AMPH: variants seen among roughly 807,000 people sequenced by gnomAD.
AMPH encodes amphiphysin.
A neutral mutation model predicts 99.1 loss-of-function variants in AMPH; 49 were observed. The ratio of observed to expected loss-of-function variants is 0.49; its 90% CI spans 0.39 to 0.63. The LOEUF is 0.63. AMPH is among the 20% of genes least tolerant of loss of function. The probability of loss-of-function intolerance (pLI) is 0.00; values close to 1 mark genes in which losing one functional copy is unlikely to be tolerated. For synonymous variants in AMPH, 314 were observed against 317.3 expected (o/e 0.99, Z 0.11); for missense variants, 759 against 863.4 (o/e 0.88, Z 1.52).
At chr7:38,522,368 GATTT>G (rs1246174339) in intron 2 of AMPH, among the ~76,000 whole-genome samples, 2 of 152,124 alleles carry the variant, frequency 1.3e-5, no homozygotes, top group African/African-American at 4.8e-5. Flanking sequence ...TATTGACATT[GATTT>G]ATTTTACAGA....
At chr7:38,549,809 C>T (rs1791117979) in intron 1 of AMPH, among the ~76,000 whole-genome samples, 1 of 152,178 alleles carries the variant, frequency 6.6e-6, no homozygotes, top group Non-Finnish European at 1.5e-5. Flanking sequence ...GGACTGCATT[C>T]TCACAAGATA....
intron 4 of AMPH, among the ~76,000 whole-genome samples, chr7:38,492,864 T>C (rs560242497): frequency 5.9e-5 from 9 of 152,230 alleles, no homozygotes; most frequent in Non-Finnish European, 1.2e-4. Flanking sequence ...TTTTTTGTGA[T>C]GAATTTTTAG....
Position 38,475,324 on chromosome 7 carries a change from T to G in AMPH, c.590+7A>C. The G allele has an allele frequency of 1.2e-6, 2 of 1,600,316 alleles. No individual in the cohort carries two copies. The highest frequency in any genetic ancestry group is 8.6e-7 in the Non-Finnish European group (1 of 1,168,156). On this transcript the variant is annotated splice_region_variant and intron_variant, in intron 7 of 20. Coordinates refer to ENST00000356264, the MANE Select transcript of AMPH (RefSeq NM_001635.4). ...AACATGTGCAACCCATAGAGAAACA[T>G]TTTTACCTTGACCATAATGATGGTA... is the stretch of plus-strand genomic sequence containing the variant.
At chr7:38,602,583 A>G (rs934399933) in intron 1 of AMPH, among the ~76,000 whole-genome samples, 7 of 152,030 alleles carry the variant, frequency 4.6e-5, no homozygotes, top group Admixed American at 3.3e-4. Context: ...TTTTATAGCA[A>G]TCCCTGTGGT....
At chr7:38,540,814 T>C (rs1004341870) in intron 1 of AMPH, among the ~76,000 whole-genome samples, 3 of 149,672 alleles carry the variant, frequency 2.0e-5, no homozygotes, top group Non-Finnish European at 3.0e-5. Flanking sequence ...GGCTTGTTAC[T>C]GAGACAAGAA....
intron 1 of AMPH, among the ~76,000 whole-genome samples, chr7:38,589,092 T>C (rs1792765670): frequency 6.6e-6 from 1 of 152,224 alleles, no homozygotes; most frequent in African/African-American, 2.4e-5. Context: ...ACCATATTCC[T>C]ATTGATCAAA....
chr7:38,434,098 C>T (rs889594827), intron 12 of AMPH, among the ~76,000 whole-genome samples: 1 of 152,114 alleles, frequency 6.6e-6, no homozygotes, highest in African/African-American at 2.4e-5. Context: ...GACTGCAGGA[C>T]AACTATAGTG....
chr7:38,519,966 C>T (rs981729985), intron 2 of AMPH, among the ~76,000 whole-genome samples: 2 of 151,512 alleles, frequency 1.3e-5, no homozygotes, highest in African/African-American at 2.4e-5. Context: ...AAAATTGTGC[C>T]CATGAACCCT....
chr7:38,580,269 T>G (rs1172922869), intron 1 of AMPH, among the ~76,000 whole-genome samples: 1 of 152,174 alleles, frequency 6.6e-6, no homozygotes. Context: ...ATTCCCCCAG[T>G]GAGATGCTAC....
chr7:38,625,848 C>A (rs779803534), intron 1 of AMPH, among the ~76,000 whole-genome samples: 26 of 151,892 alleles, frequency 1.7e-4, no homozygotes, highest in Non-Finnish European at 8.8e-5. Context: ...GGTAGCTATG[C>A]AGATATCCAT....
chr7:38,407,021 C>CCTCTCTCT (rs71558121), intron 17 of AMPH, among the ~76,000 whole-genome samples: 98 of 3,686 alleles, frequency 0.027, 10 homozygotes, highest in African/African-American at 0.036. Context: ...CTAATAGACT[C>CCTCTCTCT]CTCTCTCTCT....
chr7:38,463,303 G>A, intron 9 of AMPH, 190 bp from the exon 10 acceptor site: 1 of 747,518 alleles, frequency 1.3e-6, no homozygotes. Flanking sequence ...TTGCACTACA[G>A]AGACCTCATT....
In AMPH at chr7:38,577,587, T is replaced by C. The variant is rs568987242; in HGVS notation, c.70-42576A>G. Among the ~76,000 whole-genome samples, 201 of 151,872 alleles carry C rather than the reference T, an allele frequency of 1.3e-3. 1 individual carries two copies. Among genetic ancestry groups the C allele is most frequent in the Middle Eastern group, 0.01 (3 of 294 alleles). On this transcript the variant is annotated intron_variant, in intron 1 of 20. Transcript: ENST00000356264. Reference sequence around the variant, plus strand: ...AACCAGCACTTAACATAGTGTCTCATACACCACAGAATGAATGCAGCAAAC... The same window carrying C: ...AACCAGCACTTAACATAGTGTCTCACACACCACAGAATGAATGCAGCAAAC...
At chr7:38,538,824 T>C (rs1345617120) in intron 1 of AMPH, among the ~76,000 whole-genome samples, 5 of 152,178 alleles carry the variant, frequency 3.3e-5, no homozygotes, top group Non-Finnish European at 7.3e-5. Context: ...AGGCATTGAT[T>C]CCTTCAAACA....
chr7:38,497,218 G>C (rs1356767201), intron 3 of AMPH, among the ~76,000 whole-genome samples: 1 of 152,156 alleles, frequency 6.6e-6, no homozygotes, highest in Non-Finnish European at 1.5e-5. Flanking sequence ...GACAGAGTAT[G>C]ATGGGCGAAA....
chr7:38,418,104 T>C (rs749992512), intron 16 of AMPH, 154 bp from the exon 17 acceptor site: 8 of 743,634 alleles, frequency 1.1e-5, no homozygotes, highest in African/African-American at 1.8e-5. Flanking sequence ...TTTGCCATCA[T>C]AGGCTTTTAG....
At chr7:38,407,423 G>T (rs181068359) in intron 17 of AMPH, among the ~76,000 whole-genome samples, 2 of 151,372 alleles carry the variant, frequency 1.3e-5, no homozygotes, top group Admixed American at 1.3e-4. Flanking sequence ...GATACACATT[G>T]ACATAAAGAT....
intron 7 of AMPH, among the ~76,000 whole-genome samples, chr7:38,471,132 T>C (rs1787868331): frequency 6.6e-6 from 1 of 152,184 alleles, no homozygotes; most frequent in Admixed American, 6.5e-5. Context: ...ATCTGATCCC[T>C]ATCTTTCTCC....
At chr7:38,546,423 T>A (rs1357719935) in intron 1 of AMPH, among the ~76,000 whole-genome samples, 1 of 152,118 alleles carries the variant, frequency 6.6e-6, no homozygotes, top group Non-Finnish European at 1.5e-5. Flanking sequence ...AAAAAAAAAA[T>A]TAAACACTAT....
Sources: gnomAD v4.1 joint callset for allele counts (sites outside exome capture counted in the v4.1 genomes callset) on GRCh38, gnomAD v4.1.1 for gene constraint, MANE v1.5 for transcripts, NCBI Gene and HGNC (gene_info 2026-07-23, HGNC 2026-07-21) for gene names.